The following AATK variants were observed in gnomAD, a reference collection of about 807,000 sequenced individuals.
AATK encodes the protein serine/threonine-protein kinase LMTK1.
A neutral mutation model predicts 114.3 loss-of-function variants in AATK; 91 were observed. That is an observed-to-expected ratio of 0.80 (90% CI 0.67 to 0.95). AATK has a LOEUF of 0.95. Among genes scored for constraint, AATK ranks in the 40% least tolerant of loss-of-function variants. The pLI, the probability that AATK is intolerant of heterozygous loss-of-function variation, is 0.00. For missense variants in AATK, 2,176 were observed against 1,965.2 expected, an observed-to-expected ratio of 1.11 and a Z score of -2.03; for synonymous variants, 1,075 against 916.5, an observed-to-expected ratio of 1.17 and a Z score of -3.12.
At position 81,131,171 on chromosome 17, in the gene AATK, G is replaced by A; in HGVS notation, c.224C>T (p.Ala75Val). The A allele has an allele frequency of 6.3e-7, 1 of 1,580,490 alleles. No homozygotes were observed. Among genetic ancestry groups the A allele is most frequent in the Non-Finnish European group, 8.6e-7 (1 of 1,165,068 alleles). ...FENAEGDEYA[A>V]DLAQGSPATA... ...GGCCGGGGAGCCCTGCGCCAGGTCG[G>A]CTGCGTACTCGTCCCCCTCCGCATT... The change falls in exon 3 of 14, where the codon GCC (alanine) becomes GTC (valine). Residue 75 changes from alanine to valine, a missense_variant. Transcript: ENST00000326724.
intron 1 of AATK, among the ~76,000 whole-genome samples, chr17:81,162,679 G>A (rs899426249): frequency 6.6e-6 from 1 of 152,188 alleles, no homozygotes; most frequent in Non-Finnish European, 1.5e-5. Flanking sequence ...CCTGTGCCAG[G>A]TGTCCGGTTC....
intron 1 of AATK, among the ~76,000 whole-genome samples, chr17:81,163,424 G>T (rs2061448013): frequency 6.6e-6 from 1 of 152,174 alleles, no homozygotes; most frequent in African/African-American, 2.4e-5. Flanking sequence ...CCATCACCCT[G>T]CTTTTCCTGG....
intron 1 of AATK, among the ~76,000 whole-genome samples, chr17:81,138,565 C>CATA (rs2061064967): frequency 6.6e-6 from 1 of 150,842 alleles, no homozygotes. Context: ...TGCACACATA[C>CATA]CCCCACACGC....
At chr17:81,163,437 G>A (rs1024121979) in intron 1 of AATK, among the ~76,000 whole-genome samples, 6 of 152,152 alleles carry the variant, frequency 3.9e-5, no homozygotes, top group East Asian at 1.9e-4. Flanking sequence ...TTTCCTGGCC[G>A]CCATGCCCAC....
rs1279101298 is a variant in AATK at position 81,128,715 on chromosome 17, T to C, written c.335-166A>G. On this transcript the variant is annotated intron_variant, in intron 3 of 13. Transcript: ENST00000326724. ...GCCACCATCAGGAGCCAGGGTCTCT[T>C]GAGAGCAGGGGCCGCTGCTTCCCAG... The C allele has an allele frequency of 2.1e-6, 3 of 1,437,422 alleles. No homozygotes were observed. In the East Asian group the frequency reaches 7.8e-5, roughly 37 times the overall value. The allele number at this position is 1,437,422 out of a possible 1,614,324, so 89.0% of individuals were successfully genotyped here.
chr17:81,141,937 TTCC>T (rs796167620), intron 1 of AATK, among the ~76,000 whole-genome samples: 302 of 54,304 alleles, frequency 5.6e-3, no homozygotes, highest in Non-Finnish European at 8.0e-3. Context: ...CCTTCCTTCC[TTCC>T]TTCCTTCCTT....
At chr17:81,160,800 A>C (rs1241664746) in intron 1 of AATK, among the ~76,000 whole-genome samples, 1 of 152,216 alleles carries the variant, frequency 6.6e-6, no homozygotes, top group East Asian at 1.9e-4. Flanking sequence ...CCTACCCCGG[A>C]AGAACCCCGT....
chr17:81,123,646 C>T (rs929828387), intron 9 of AATK, among the ~76,000 whole-genome samples: 2 of 144,408 alleles, frequency 1.4e-5, no homozygotes, highest in African/African-American at 2.5e-5. Flanking sequence ...AGACACTGCC[C>T]GGTGTGGGAG....
At chr17:81,136,694 G>A (rs772600462) in intron 1 of AATK, among the ~76,000 whole-genome samples, 12 of 152,246 alleles carry the variant, frequency 7.9e-5, no homozygotes, top group Non-Finnish European at 1.5e-4. Context: ...TCAGTGGAGG[G>A]CAGAGGTGGG....
intron 1 of AATK, among the ~76,000 whole-genome samples, chr17:81,143,771 T>G (rs1314992406): frequency 6.6e-6 from 1 of 152,114 alleles, no homozygotes; most frequent in Non-Finnish European, 1.5e-5. Context: ...GCCTCCACTC[T>G]CTCCACCCAC....
intron 1 of AATK, among the ~76,000 whole-genome samples, chr17:81,151,528 TCCC>T (rs2096002796): frequency 1.3e-5 from 2 of 151,876 alleles, no homozygotes; most frequent in Admixed American, 6.6e-5. Context: ...AGGCCCGGCC[TCCC>T]CCATCTGGCT....
In AATK at chr17:81,132,092, A is replaced by G; in HGVS notation, c.190-887T>C. ...TACCCCACCCCCAAGTCCAGGGCAC[A>G]TTCCTGCGCTGAGAGCCAAAGTCTC... On this transcript the variant is annotated intron_variant, in intron 2 of 13. Transcript: ENST00000326724. 4.3e-6 allele frequency: 5 copies of G among 1,170,098 alleles called. No homozygotes were observed. The South Asian group carries it at 6.8e-5, about 16-fold the overall frequency. The allele number at this position is 1,170,098 out of a possible 1,614,324, so 72.5% of individuals were successfully genotyped here.
intron 1 of AATK, among the ~76,000 whole-genome samples, chr17:81,162,338 G>A (rs1378309812): frequency 1.3e-5 from 2 of 152,080 alleles, no homozygotes; most frequent in African/African-American, 2.4e-5. Context: ...CTTCCTCTGG[G>A]GCATCCTCTG....
chr17:81,124,904 AGCC>A, intron 8 of AATK, 23 bp downstream of exon 8: 1 of 1,137,470 alleles, frequency 8.8e-7, no homozygotes, highest in Non-Finnish European at 1.3e-6. Flanking sequence ...CCTCATGCCC[AGCC>A]CAGCCCACCC....
At position 81,134,458 on chromosome 17, in the gene AATK, G is replaced by C. The variant is rs763434510; in HGVS notation, c.99C>G (p.Ala33=). 6.2e-7 allele frequency: 1 copy of C among 1,613,002 alleles called. No individual in the cohort carries two copies. The highest frequency in any genetic ancestry group is 8.5e-7 in the Non-Finnish European group (1 of 1,179,766). Residue 33 remains alanine, a synonymous_variant, in exon 2 of 14, where the codon GCC becomes GCG. Transcript: ENST00000326724. ...LSELSWPSSL[A]VVAVSFSGLF... is the part of the protein sequence containing the mutation. ...GCCCGGAGAAAGACACAGCCACCAC[G>C]GCGAGGGAGGATGGCCAGGACAGCT...
In AATK at chr17:81,134,458, G is replaced by GGTGA; in HGVS notation, c.98_99insTCAC (p.Val34HisfsTer24). ...GCCCGGAGAAAGACACAGCCACCAC[G>GGTGA]GCGAGGGAGGATGGCCAGGACAGCT... is the stretch of plus-strand genomic sequence containing the variant. On this transcript the variant is annotated frameshift_variant, in exon 2 of 14. Coordinates refer to ENST00000326724, the MANE Select transcript of AATK (RefSeq NM_001080395.3). LOFTEE classifies it high-confidence loss of function. The GGTGA allele has an allele frequency of 6.2e-7, 1 of 1,613,122 alleles. No individual in the cohort carries two copies. The highest frequency in any genetic ancestry group is 8.5e-7 in the Non-Finnish European group (1 of 1,179,758).
chr17:81,128,852 C>T (rs1302077139), intron 3 of AATK: 1 of 1,195,518 alleles, frequency 8.4e-7, no homozygotes, highest in East Asian at 4.9e-5. Flanking sequence ...CGGAGCTCGA[C>T]CCGTCACATG....
At chr17:81,154,158 C>A (rs189995046) in intron 1 of AATK, among the ~76,000 whole-genome samples, 2 of 152,120 alleles carry the variant, frequency 1.3e-5, no homozygotes, top group African/African-American at 4.8e-5. Context: ...CCACAGCCTA[C>A]GAGAAAAAAA....
chr17:81,127,267 C>T (rs907361571), intron 6 of AATK, among the ~76,000 whole-genome samples: 1 of 125,568 alleles, frequency 8.0e-6, no homozygotes, highest in South Asian at 2.7e-4. Context: ...TGGGCCAGTG[C>T]CCCCCCCCAG....
Sources: allele counts gnomAD v4.1 joint callset (sites outside exome capture counted in the v4.1 genomes callset), GRCh38; gene constraint gnomAD v4.1.1; transcripts MANE v1.5; gene names NCBI Gene and HGNC (gene_info 2026-07-23, HGNC 2026-07-21).